FAM227B: variants seen among roughly 807,000 people sequenced by gnomAD.
The protein encoded by FAM227B is protein FAM227B.
A neutral mutation model predicts 73.8 loss-of-function variants in FAM227B; 88 were observed. The observed-to-expected ratio is 1.19, with a 90% CI of 1.00 to 1.42. FAM227B has a LOEUF of 1.42. Ranked by LOEUF, FAM227B falls within the 40% of genes most tolerant of loss-of-function variation. The probability of loss-of-function intolerance (pLI) is 0.00; values close to 1 mark genes in which losing one functional copy is unlikely to be tolerated. For missense variants in FAM227B, 632 were observed against 590.9 expected, an observed-to-expected ratio of 1.07 and a Z score of -0.72; for synonymous variants, 210 against 190.5, an observed-to-expected ratio of 1.10 and a Z score of -0.84.
intron 3 of FAM227B, among the ~76,000 whole-genome samples, chr15:49,604,269 T>C (rs1187777371): frequency 6.6e-6 from 1 of 152,192 alleles, no homozygotes; most frequent in African/African-American, 2.4e-5. Flanking sequence ...CCCAACACTT[T>C]TTCCATGTGT....
At chr15:49,372,226 A>C (rs966187069) in intron 11 of FAM227B, among the ~76,000 whole-genome samples, 4 of 150,288 alleles carry the variant, frequency 2.7e-5, no homozygotes, top group Admixed American at 6.6e-5. Flanking sequence ...ACTTATAAAT[A>C]AATGAAATAA....
chr15:49,378,737 C>T (rs1173551222), intron 11 of FAM227B, among the ~76,000 whole-genome samples: 5 of 152,234 alleles, frequency 3.3e-5, no homozygotes, highest in Non-Finnish European at 7.4e-5. Context: ...AAGATAAACT[C>T]ATCTGCAGAT....
intron 9 of FAM227B, among the ~76,000 whole-genome samples, chr15:49,556,528 T>C (rs536603613): frequency 6.6e-6 from 1 of 152,270 alleles, no homozygotes; most frequent in South Asian, 2.1e-4. Flanking sequence ...ACAGGGGCCA[T>C]TCTGTTGGAA....
At chr15:49,550,235 G>T (rs1302190365) in intron 9 of FAM227B, among the ~76,000 whole-genome samples, 1 of 148,956 alleles carries the variant, frequency 6.7e-6, no homozygotes, top group Non-Finnish European at 1.5e-5. Context: ...CTCCCTGACG[G>T]GGCGGCTGGC....
At chr15:49,620,221 CAGT>C (rs2078603421) in intron 1 of FAM227B, 1 of 152,178 alleles carries the variant, frequency 6.6e-6, no homozygotes, top group Non-Finnish European at 1.5e-5. Context: ...TTTTTTATCT[CAGT>C]AGTAAGAATA....
intron 11 of FAM227B, among the ~76,000 whole-genome samples, chr15:49,394,031 GATTA>G (rs1230388320): frequency 6.6e-6 from 1 of 151,962 alleles, no homozygotes; most frequent in East Asian, 1.9e-4. Context: ...CCCTTTTTTG[GATTA>G]ATTAGGTCTG....
intron 9 of FAM227B, among the ~76,000 whole-genome samples, chr15:49,546,197 G>C (rs2071846275): frequency 6.6e-6 from 1 of 152,076 alleles, no homozygotes; most frequent in South Asian, 2.1e-4. Flanking sequence ...CTATGAGTGA[G>C]AACATGCAGT....
chr15:49,336,252 T>C (rs1156622412), intron 13 of FAM227B, among the ~76,000 whole-genome samples: 1 of 152,258 alleles, frequency 6.6e-6, no homozygotes, highest in East Asian at 1.9e-4. Flanking sequence ...TGTCCAAGTA[T>C]GTTGCTAATG....
At chr15:49,491,246 T>C (rs1251167515) in intron 11 of FAM227B, among the ~76,000 whole-genome samples, 3 of 151,918 alleles carry the variant, frequency 2.0e-5, no homozygotes, top group Non-Finnish European at 4.4e-5. Flanking sequence ...CTTTCTTGTT[T>C]CAAATTCCTT....
chr15:49,380,590 A>C (rs972983335), intron 11 of FAM227B, among the ~76,000 whole-genome samples: 1 of 152,242 alleles, frequency 6.6e-6, no homozygotes, highest in Non-Finnish European at 1.5e-5. Flanking sequence ...ATATTACTTA[A>C]ATGCAGAATA....
intron 11 of FAM227B, among the ~76,000 whole-genome samples, chr15:49,416,772 GACACAC>G (rs5812484): frequency 1.1e-3 from 172 of 149,946 alleles, no homozygotes; most frequent in Middle Eastern, 3.4e-3. Flanking sequence ...CACACACATA[GACACAC>G]ACACACACAC....
At chr15:49,459,320 C>T (rs2053584100) in intron 11 of FAM227B, among the ~76,000 whole-genome samples, 1 of 152,126 alleles carries the variant, frequency 6.6e-6, no homozygotes, top group Admixed American at 6.5e-5. Flanking sequence ...AGCAGCACAC[C>T]ATGTGATGCC....
intron 8 of FAM227B, among the ~76,000 whole-genome samples, chr15:49,568,600 T>G (rs1352939981): frequency 6.6e-6 from 1 of 152,024 alleles, no homozygotes; most frequent in Non-Finnish European, 1.5e-5. Context: ...CTTAAAGGCG[T>G]GCAGTAAAAT....
At chr15:49,423,689 T>C (rs2049880386) in intron 11 of FAM227B, among the ~76,000 whole-genome samples, 1 of 152,112 alleles carries the variant, frequency 6.6e-6, no homozygotes, top group South Asian at 2.1e-4. Context: ...AAGCATATAA[T>C]AAAGAAGTCT....
At chr15:49,525,705 TATATATATATATATC>T (rs1182290846) in intron 10 of FAM227B, among the ~76,000 whole-genome samples, 4 of 79,636 alleles carry the variant, frequency 5.0e-5, no homozygotes, top group Non-Finnish European at 9.1e-5. Flanking sequence ...TATATATATA[TATATATATATATATC>T]ACAAACAGAG....
At chr15:49,416,298 GT>G (rs933229709) in intron 11 of FAM227B, among the ~76,000 whole-genome samples, 28 of 151,952 alleles carry the variant, frequency 1.8e-4, no homozygotes, top group African/African-American at 5.8e-4. Context: ...ATAAATATTT[GT>G]TAGATGGATG....
At chr15:49,375,884 CTA>C (rs2046128228) in intron 11 of FAM227B, among the ~76,000 whole-genome samples, 2 of 152,144 alleles carry the variant, frequency 1.3e-5, no homozygotes, top group South Asian at 4.1e-4. Flanking sequence ...GGAATTGAGA[CTA>C]TCTTTATTTT....
intron 11 of FAM227B, chr15:49,487,683 G>A (rs532126054): frequency 2.6e-4 from 40 of 152,028 alleles, no homozygotes; most frequent in Admixed American, 7.9e-4. Flanking sequence ...TTCTCTAATA[G>A]TAGAGGTGTA....
chr15:49,502,931 G>A (rs927354822), intron 11 of FAM227B, among the ~76,000 whole-genome samples: 3 of 152,002 alleles, frequency 2.0e-5, no homozygotes, highest in African/African-American at 7.2e-5. Context: ...CACAAAATCT[G>A]GTTGTTTAAA....
Sources: gnomAD v4.1 joint callset for allele counts (sites outside exome capture counted in the v4.1 genomes callset) on GRCh38, gnomAD v4.1.1 for gene constraint, MANE v1.5 for transcripts, NCBI Gene and HGNC (gene_info 2026-07-23, HGNC 2026-07-21) for gene names.